Variants in NLGN1 observed in about 807,000 individuals in gnomAD.
The protein encoded by NLGN1 is neuroligin-1.
In NLGN1, 12 loss-of-function variants were observed where a neutral mutation model predicts 65.5. The observed-to-expected ratio is 0.18, with a 90% CI of 0.12 to 0.30. The LOEUF (loss-of-function observed/expected upper bound fraction) is 0.30. Among genes scored for constraint, NLGN1 ranks in the 10% least tolerant of loss-of-function variants. The pLI, the probability that NLGN1 is intolerant of heterozygous loss-of-function variation, is 1.00. For missense variants in NLGN1, 750 were observed against 1,007.1 expected, an observed-to-expected ratio of 0.74 and a Z score of 3.46; for synonymous variants, 350 against 359.5, an observed-to-expected ratio of 0.97 and a Z score of 0.30.
At chr3:173,583,757 T>C (rs192057597) in intron 2 of NLGN1, among the ~76,000 whole-genome samples, 4 of 152,282 alleles carry the variant, frequency 2.6e-5, no homozygotes, top group East Asian at 1.9e-4. Context: ...GTAAGCAACA[T>C]TGAGGCCTAT....
intron 4 of NLGN1, among the ~76,000 whole-genome samples, chr3:173,891,540 T>C (rs1325099580): frequency 1.3e-5 from 2 of 152,146 alleles, no homozygotes; most frequent in African/African-American, 4.8e-5. Context: ...TGGCCTTTAT[T>C]CCTTCTTCTA....
intron 3 of NLGN1, among the ~76,000 whole-genome samples, chr3:173,798,356 A>G (rs2150397068): frequency 6.6e-6 from 1 of 152,282 alleles, no homozygotes; most frequent in South Asian, 2.1e-4. Context: ...GCAGTCTTTA[A>G]GAAATTACAG....
chr3:173,804,872 C>G (rs756721239), intron 3 of NLGN1, among the ~76,000 whole-genome samples: 19 of 151,842 alleles, frequency 1.3e-4, no homozygotes, highest in Non-Finnish European at 1.8e-4. Context: ...ACTAAAAATG[C>G]AAAATTAGCC....
At chr3:174,039,148 G>A (rs1253464382) in intron 4 of NLGN1, among the ~76,000 whole-genome samples, 3 of 152,086 alleles carry the variant, frequency 2.0e-5, no homozygotes, top group African/African-American at 7.2e-5. Context: ...TCCCTTAGGA[G>A]TCAGTTATTT....
intron 4 of NLGN1, among the ~76,000 whole-genome samples, chr3:174,068,272 G>A (rs192687037): frequency 6.6e-6 from 1 of 152,118 alleles, no homozygotes; most frequent in East Asian, 1.9e-4. Flanking sequence ...AGAATACATA[G>A]GTATCCATAG....
intron 4 of NLGN1, among the ~76,000 whole-genome samples, chr3:173,964,066 G>A (rs1036089636): frequency 6.6e-6 from 1 of 152,166 alleles, no homozygotes; most frequent in African/African-American, 2.4e-5. Context: ...ATGTGCCAGA[G>A]ATTAAAAGAT....
intron 3 of NLGN1, among the ~76,000 whole-genome samples, chr3:173,669,842 C>T (rs557430486): frequency 3.3e-5 from 5 of 152,220 alleles, no homozygotes; most frequent in South Asian, 2.1e-4. Flanking sequence ...AAATACTGGG[C>T]AAATGTGGGA....
At chr3:174,236,020 C>T (rs116198426) in intron 4 of NLGN1, among the ~76,000 whole-genome samples, 1 of 152,268 alleles carries the variant, frequency 6.6e-6, no homozygotes, top group Non-Finnish European at 1.5e-5. Flanking sequence ...GGGAGTTGGA[C>T]TCTTATTCAC....
intron 3 of NLGN1, among the ~76,000 whole-genome samples, chr3:173,771,368 T>C (rs1779547124): frequency 6.6e-6 from 1 of 152,206 alleles, no homozygotes; most frequent in South Asian, 2.1e-4. Flanking sequence ...TTTGCAATCT[T>C]ATGCCATCAT....
At chr3:174,023,689 T>C (rs899144924) in intron 4 of NLGN1, among the ~76,000 whole-genome samples, 4 of 152,256 alleles carry the variant, frequency 2.6e-5, no homozygotes, top group African/African-American at 9.6e-5. Context: ...AGCGCTGTAA[T>C]GTCTATGTTA....
At chr3:173,499,853 G>A (rs1730726659) in intron 2 of NLGN1, among the ~76,000 whole-genome samples, 1 of 151,770 alleles carries the variant, frequency 6.6e-6, no homozygotes, top group African/African-American at 2.4e-5. Context: ...TTGGCTCTCT[G>A]TTTGTCTGTT....
chr3:173,747,066 A>ATG (rs1775513366), intron 3 of NLGN1, among the ~76,000 whole-genome samples: 1 of 117,234 alleles, frequency 8.5e-6, no homozygotes. Flanking sequence ...ATATACACAC[A>ATG]CACACACACA....
intron 4 of NLGN1, among the ~76,000 whole-genome samples, chr3:174,005,592 T>C (rs1351374068): frequency 6.6e-6 from 1 of 152,180 alleles, no homozygotes; most frequent in Admixed American, 6.6e-5. Flanking sequence ...CTCTGCTGCA[T>C]CTGTGCTGAT....
chr3:173,855,158 G>T (rs1054552739), intron 4 of NLGN1, among the ~76,000 whole-genome samples: 1 of 152,008 alleles, frequency 6.6e-6, no homozygotes, highest in Non-Finnish European at 1.5e-5. Context: ...ATTAACAGTT[G>T]ATTATGGTGT....
intron 1 of NLGN1, among the ~76,000 whole-genome samples, chr3:173,425,683 C>G (rs1415669406): frequency 6.6e-6 from 1 of 151,862 alleles, no homozygotes; most frequent in Non-Finnish European, 1.5e-5. Context: ...CTGTGCTATT[C>G]CATTAGTTTT....
chr3:173,754,237 G>A (rs929025299), intron 3 of NLGN1, among the ~76,000 whole-genome samples: 2 of 151,526 alleles, frequency 1.3e-5, no homozygotes, highest in African/African-American at 4.8e-5. Flanking sequence ...TTGTAGAGAT[G>A]GGGTTTCACC....
At chr3:173,854,061 TAAAATTC>T (rs959185673) in intron 4 of NLGN1, among the ~76,000 whole-genome samples, 3 of 152,026 alleles carry the variant, frequency 2.0e-5, no homozygotes, top group African/African-American at 7.2e-5. Flanking sequence ...ACTAAACTCT[TAAAATTC>T]AAACATCAAT....
intron 4 of NLGN1, among the ~76,000 whole-genome samples, chr3:174,267,845 T>C (rs1449814912): frequency 6.6e-6 from 1 of 152,164 alleles, no homozygotes; most frequent in Non-Finnish European, 1.5e-5. Flanking sequence ...ATGTATATAA[T>C]GACTATCTGG....
chr3:173,796,815 C>T (rs1381496856), intron 3 of NLGN1, among the ~76,000 whole-genome samples: 1 of 152,106 alleles, frequency 6.6e-6, no homozygotes, highest in Admixed American at 6.6e-5. Flanking sequence ...ACTGTTATTT[C>T]TATTTGAAGG....
Sources: gnomAD v4.1 joint callset for allele counts (sites outside exome capture counted in the v4.1 genomes callset) on GRCh38, gnomAD v4.1.1 for gene constraint, MANE v1.5 for transcripts, NCBI Gene and HGNC (gene_info 2026-07-23, HGNC 2026-07-21) for gene names.